The following EFHC2 variants were observed in gnomAD, a reference collection of about 807,000 sequenced individuals.
The protein encoded by EFHC2 is EF-hand domain-containing family member C2.
A neutral mutation model predicts 52.7 loss-of-function variants in EFHC2; 18 were observed. The observed-to-expected ratio is 0.34, with a 90% CI of 0.24 to 0.51. EFHC2 has a LOEUF of 0.51. Among genes scored for constraint, EFHC2 ranks in the 20% least tolerant of loss-of-function variants. The pLI is 0.97. For synonymous variants in EFHC2, 203 were observed against 204.1 expected (o/e 0.99, Z 0.04); for missense variants, 513 against 562.5 (o/e 0.91, Z 0.89).
At chrX:44,244,750 G>A (rs1235821986) in intron 7 of EFHC2, among the ~76,000 whole-genome samples, 1 of 111,915 alleles carries the variant, frequency 8.9e-6, no homozygotes, top group East Asian at 2.8e-4. Context: ...TTATGTTCTA[G>A]TAGCCTAGAG....
intron 1 of EFHC2, among the ~76,000 whole-genome samples, chrX:44,316,540 A>G (rs1451443876): frequency 1.8e-5 from 2 of 112,094 alleles, no homozygotes; most frequent in Admixed American, 9.5e-5. Context: ...AAAGGATACT[A>G]TCAAGAGAGT....
At chrX:44,155,075 C>A (rs2036597118) in intron 14 of EFHC2, among the ~76,000 whole-genome samples, 1 of 111,962 alleles carries the variant, frequency 8.9e-6, no homozygotes, top group Non-Finnish European at 1.9e-5. Flanking sequence ...TTGATGTAAT[C>A]TGGAGCATAA....
intron 2 of EFHC2, among the ~76,000 whole-genome samples, chrX:44,289,056 A>G (rs12013637): frequency 0.031 from 3,423 of 111,968 alleles, 139 homozygotes; most frequent in African/African-American, 0.11. Flanking sequence ...TTGTGACCAT[A>G]TAGCCTGTTA....
intron 11 of EFHC2, among the ~76,000 whole-genome samples, chrX:44,220,130 G>T (rs1305971533): frequency 1.8e-5 from 2 of 111,678 alleles, no homozygotes; most frequent in African/African-American, 6.5e-5. Context: ...TTTCTTCAAA[G>T]GATATACATT....
chrX:44,226,896 A>G (rs1322506169), intron 11 of EFHC2, among the ~76,000 whole-genome samples: 1 of 109,425 alleles, frequency 9.1e-6, no homozygotes, highest in African/African-American at 3.4e-5. Context: ...AGTATAATAA[A>G]AAAAAGAAAA....
intron 2 of EFHC2, among the ~76,000 whole-genome samples, chrX:44,277,397 T>C (rs748988085): frequency 1.8e-5 from 2 of 112,051 alleles, no homozygotes; most frequent in African/African-American, 6.5e-5. Flanking sequence ...GTTTAATATG[T>C]TTAAGCTCTG....
At position 44,289,864 on chromosome X, in the gene EFHC2, G is replaced by A. The variant is rs1351841392; in HGVS notation, c.232-17028C>T. ...ACCCAGCTAATTTTTTGTATTTTTT[G>A]TAGAGATGGGGTTTCACCATGTTGG... On this transcript the variant is annotated intron_variant, in intron 2 of 14. Coordinates refer to ENST00000420999, the MANE Select transcript of EFHC2 (RefSeq NM_025184.4). Among the ~76,000 whole-genome samples the A allele has an allele frequency of 3.7e-5, 4 of 108,990 alleles. No homozygotes were observed. The Admixed American group carries it at 3.9e-4, about 11-fold the overall frequency. The allele number at this position is 108,990 out of a possible 115,157, so 94.6% of individuals were successfully genotyped here.
Position 44,232,704 on chromosome X carries a change from C to A in EFHC2, c.1424-27G>T, listed in dbSNP as rs762459329. On this transcript the variant is annotated intron_variant, in intron 9 of 14. Coordinates refer to ENST00000420999, the MANE Select transcript of EFHC2 (RefSeq NM_025184.4). Reference sequence around the variant, plus strand: ...TATAAAAAATAGAAAAGTTCATGAGCAGCCTTTATTCTTAAAAGAACCACG... The same window carrying A: ...TATAAAAAATAGAAAAGTTCATGAGAAGCCTTTATTCTTAAAAGAACCACG... 14 of 1,156,597 alleles carry A rather than the reference C, an allele frequency of 1.2e-5. No homozygotes were observed. In the South Asian group the frequency reaches 2.1e-4, roughly 18 times the overall value.
At chrX:44,178,327 A>C (rs1300827466) in intron 12 of EFHC2, 40 bp downstream of exon 12, 1 of 1,104,449 alleles carries the variant, frequency 9.1e-7, no homozygotes, top group Non-Finnish European at 1.2e-6. Flanking sequence ...TCAGGTTCAC[A>C]GAAATGTAAA....
intron 13 of EFHC2, among the ~76,000 whole-genome samples, chrX:44,171,586 G>A (rs993806179): frequency 5.4e-5 from 6 of 111,388 alleles, no homozygotes; most frequent in African/African-American, 1.6e-4. Flanking sequence ...GGGCCTCTGC[G>A]TCAAGTTGCC....
intron 8 of EFHC2, among the ~76,000 whole-genome samples, chrX:44,241,153 A>G (rs1483225016): frequency 9.0e-6 from 1 of 110,931 alleles, no homozygotes; most frequent in Non-Finnish European, 1.9e-5. Context: ...CTTATCCATT[A>G]TTTCCCTCAC....
chrX:44,250,545 T>G (rs1204171265), intron 4 of EFHC2, 100 bp from the exon 5 acceptor site: 4 of 977,130 alleles, frequency 4.1e-6, no homozygotes, highest in Non-Finnish European at 5.3e-6. Flanking sequence ...ATATTTTTGG[T>G]CAGGCATGGT....
intron 1 of EFHC2, 76 bp from the exon 2 acceptor site, chrX:44,312,832 A>G: frequency 1.0e-6 from 1 of 961,052 alleles, no homozygotes; most frequent in Non-Finnish European, 1.4e-6. Flanking sequence ...TAAAATGTCA[A>G]CACATTTTCT....
intron 14 of EFHC2, among the ~76,000 whole-genome samples, 170 bp downstream of exon 14, chrX:44,163,752 A>C (rs1212796067): frequency 8.9e-6 from 1 of 112,666 alleles, no homozygotes; most frequent in African/African-American, 3.2e-5. Flanking sequence ...ATGTTTGCTC[A>C]GCATGGAAAG....
chrX:44,197,877 C>T (rs2036977492), intron 11 of EFHC2, among the ~76,000 whole-genome samples: 1 of 112,100 alleles, frequency 8.9e-6, no homozygotes, highest in Non-Finnish European at 1.9e-5. Context: ...TCACAATTCT[C>T]CCTCTGAGGA....
At chrX:44,251,300 T>C (rs2037444932) in intron 4 of EFHC2, among the ~76,000 whole-genome samples, 2 of 94,400 alleles carry the variant, frequency 2.1e-5, no homozygotes, top group Admixed American at 2.4e-4. Flanking sequence ...AAGTTTTTCA[T>C]ATTAAACATT....
intron 8 of EFHC2, among the ~76,000 whole-genome samples, chrX:44,235,949 C>A (rs1318476499): frequency 9.0e-6 from 1 of 111,610 alleles, no homozygotes; most frequent in Non-Finnish European, 1.9e-5. Context: ...CCCCAGCAAC[C>A]CCCCAACTTC....
chrX:44,226,541 C>T (rs1390788039), intron 11 of EFHC2, among the ~76,000 whole-genome samples: 2 of 111,030 alleles, frequency 1.8e-5, no homozygotes, highest in Non-Finnish European at 3.8e-5. Context: ...TTCTGGGATG[C>T]CTAAGAGACA....
At chrX:44,310,509 G>A (rs1055147136) in intron 2 of EFHC2, 10 of 434,437 alleles carry the variant, frequency 2.3e-5, no homozygotes, top group Non-Finnish European at 3.8e-5. Context: ...GTGAGGGGCC[G>A]GGACCGGGCG....
Sources: allele counts gnomAD v4.1 joint callset (sites outside exome capture counted in the v4.1 genomes callset), GRCh38; gene constraint gnomAD v4.1.1; transcripts MANE v1.5; gene names NCBI Gene and HGNC (gene_info 2026-07-23, HGNC 2026-07-21).